Variants in CRYZL1 observed in about 807,000 individuals in gnomAD.
CRYZL1 encodes the protein ferry endosomal RAB5 effector complex subunit 4.
CRYZL1 carries 34 observed loss-of-function variants against 50.6 expected under a neutral mutation model. The observed-to-expected ratio is 0.67, with a 90% CI of 0.51 to 0.89. CRYZL1 has a LOEUF of 0.89. Among genes scored for constraint, CRYZL1 ranks in the 40% least tolerant of loss-of-function variants. The pLI is 0.00. For missense variants in CRYZL1, 354 were observed against 402.3 expected, an observed-to-expected ratio of 0.88 and a Z score of 1.03; for synonymous variants, 125 against 134.3, an observed-to-expected ratio of 0.93 and a Z score of 0.48.
At chr21:33,611,962 T>C (rs1008553440) in intron 6 of CRYZL1, among the ~76,000 whole-genome samples, 1 of 152,242 alleles carries the variant, frequency 6.6e-6, no homozygotes, top group Non-Finnish European at 1.5e-5. Context: ...TCCACTTTGA[T>C]ATGTTTAGCT....
chr21:33,619,905 C>T (rs930244322), intron 4 of CRYZL1, among the ~76,000 whole-genome samples: 17 of 152,212 alleles, frequency 1.1e-4, no homozygotes, highest in Admixed American at 7.2e-4. Context: ...TACTCCAAGA[C>T]GCCTTTCCTG....
intron 9 of CRYZL1, among the ~76,000 whole-genome samples, chr21:33,598,871 G>A: frequency 6.7e-6 from 1 of 148,862 alleles, no homozygotes; most frequent in East Asian, 2.0e-4. Flanking sequence ...TGTGGCCTAA[G>A]ACAATTCTTC....
Position 33,589,781 on chromosome 21 carries a change from T to C in CRYZL1, c.*41A>G. 2 of 1,262,236 alleles carry C rather than the reference T, an allele frequency of 1.6e-6. No homozygotes were observed. Among genetic ancestry groups the C allele is most frequent in the Non-Finnish European group, 2.3e-6 (2 of 874,990 alleles). The allele number at this position is 1,262,236 out of a possible 1,614,324, so 78.2% of individuals were successfully genotyped here. The stretch of plus-strand genomic sequence containing the variant: ...CAAAGAAAATTCTGGCTTCAAATAC[T>C]GGAATATGTTCATCCGACTGAGGTC... On this transcript the variant is annotated 3_prime_UTR_variant, in exon 13 of 13. Coordinates refer to ENST00000381554, the MANE Select transcript of CRYZL1 (RefSeq NM_145858.3).
intron 3 of CRYZL1, among the ~76,000 whole-genome samples, chr21:33,622,311 C>T (rs943156022): frequency 6.6e-6 from 1 of 152,118 alleles, no homozygotes; most frequent in African/African-American, 2.4e-5. Context: ...TTCAAATTAC[C>T]ATTAACATCC....
rs549802084 is a variant in CRYZL1, at chr21:33,609,137, A to C, written c.331+4401T>G. Among the ~76,000 whole-genome samples, 4 of 152,212 alleles carry C rather than the reference A, an allele frequency of 2.6e-5. No individual in the cohort carries two copies. In the East Asian group the frequency reaches 7.7e-4, roughly 29 times the overall value. On this transcript the variant is annotated intron_variant, in intron 6 of 12. Transcript: ENST00000381554. ...ATTTTTTCACATGTCTTCTTTTGAG[A>C]AATGTCTATTCAGGTCCTTTGACCC... is the stretch of plus-strand genomic sequence containing the variant.
rs1028751478 is a variant in CRYZL1 at position 33,589,676 on chromosome 21, A to G, written c.*146T>C. ...TTTCAAACACTTTTCAAATGTGTCA[A>G]CTGAGCATCTTGTCTTAGCAGAGAA... is the stretch of plus-strand genomic sequence containing the variant. On this transcript the variant is annotated 3_prime_UTR_variant, in exon 13 of 13. Coordinates refer to ENST00000381554, the MANE Select transcript of CRYZL1 (RefSeq NM_145858.3). 2.5e-5 allele frequency: 15 copies of G among 605,586 alleles called. No individual in the cohort carries two copies. Among genetic ancestry groups the G allele is most frequent in the African/African-American group, 1.9e-4 (10 of 53,442 alleles). 37.5% of individuals were successfully genotyped at this position (605,586 alleles called of 1,614,324 possible). A position where few individuals can be genotyped will look rare whatever the true frequency, so the allele number is the denominator to read the frequency against.
At chr21:33,621,971 C>T (rs2087007987) in intron 4 of CRYZL1, 25 bp downstream of exon 4, 9 of 1,499,034 alleles carry the variant, frequency 6.0e-6, no homozygotes, top group Non-Finnish European at 6.5e-6. Flanking sequence ...AAAATAAATA[C>T]ATATACTCAC....
chr21:33,635,502 C>A (rs939746260), intron 1 of CRYZL1, among the ~76,000 whole-genome samples: 1 of 151,416 alleles, frequency 6.6e-6, no homozygotes, highest in Non-Finnish European at 1.5e-5. Flanking sequence ...AGGCGCCCAC[C>A]ACCACACCTG....
chr21:33,626,326 T>C lies in CRYZL1; in HGVS notation c.67-1566A>G, dbSNP rs1305410401. 2.6e-5 allele frequency among the ~76,000 whole-genome samples: 4 copies of C among 152,316 alleles called. 1 individual carries two copies. The highest frequency in any genetic ancestry group is 3.4e-3 in the Middle Eastern group (1 of 294). ...AACATGTGCCTTGGGCATTTCATCATGCCCCATGGGATTCTGGGCTCAACA... is the reference window on the plus strand; with the variant it reads ...AACATGTGCCTTGGGCATTTCATCACGCCCCATGGGATTCTGGGCTCAACA... On this transcript the variant is annotated intron_variant, in intron 2 of 12. Transcript: ENST00000381554.
At chr21:33,600,094 A>T (rs1007773560) in intron 8 of CRYZL1, among the ~76,000 whole-genome samples, 1 of 152,174 alleles carries the variant, frequency 6.6e-6, no homozygotes, top group Non-Finnish European at 1.5e-5. Flanking sequence ...CGATCGTAAC[A>T]TTTAAAAAAT....
At chr21:33,634,942 T>C (rs182938869) in intron 1 of CRYZL1, among the ~76,000 whole-genome samples, 2,131 of 151,660 alleles carry the variant, frequency 0.014, 21 homozygotes, top group Non-Finnish European at 0.022. Flanking sequence ...TCATCCTAAA[T>C]AGTTTCTCTA....
At chr21:33,616,902 T>A in intron 4 of CRYZL1, 152 bp from the exon 5 acceptor site, 2 of 624,712 alleles carry the variant, frequency 3.2e-6, no homozygotes, top group Non-Finnish European at 5.2e-6. Flanking sequence ...AACATTTTGA[T>A]GGTCTGTAAA....
chr21:33,628,581 G>C (rs1301698434), intron 2 of CRYZL1, among the ~76,000 whole-genome samples: 1 of 149,420 alleles, frequency 6.7e-6, no homozygotes, highest in African/African-American at 2.5e-5. Flanking sequence ...ATTATAAATG[G>C]GGTTGCCTTC....
At chr21:33,603,620 T>C in intron 6 of CRYZL1, 83 bp from the exon 7 acceptor site, 1 of 1,507,950 alleles carries the variant, frequency 6.6e-7, no homozygotes, top group Non-Finnish European at 9.1e-7. Flanking sequence ...CCATCTCTAG[T>C]ACTACTATGG....
At chr21:33,604,094 G>A (rs1223081253) in intron 6 of CRYZL1, among the ~76,000 whole-genome samples, 11 of 152,138 alleles carry the variant, frequency 7.2e-5, no homozygotes, top group Non-Finnish European at 2.9e-5. Flanking sequence ...CTGGCCGGGC[G>A]TGGTGGCTCA....
chr21:33,604,355 CAAAAAAAAA>C (rs71194858), intron 6 of CRYZL1, among the ~76,000 whole-genome samples: 2 of 69,622 alleles, frequency 2.9e-5, no homozygotes, highest in Non-Finnish European at 2.5e-5. Context: ...GACTCCGTCT[CAAAAAAAAA>C]AAAAAAAAAA....
chr21:33,606,273 T>G (rs1024780858), intron 6 of CRYZL1, among the ~76,000 whole-genome samples: 1 of 152,174 alleles, frequency 6.6e-6, no homozygotes, highest in African/African-American at 2.4e-5. Flanking sequence ...ACATCTTCTA[T>G]CAAAAGGATT....
At chr21:33,641,625 A>T (rs2087346717) in intron 1 of CRYZL1, 56 bp downstream of exon 1, 1 of 183,490 alleles carries the variant, frequency 5.4e-6, no homozygotes. Context: ...GCATCTCTCC[A>T]CCTTTCGCTT....
At chr21:33,641,093 T>G in intron 1 of CRYZL1, 1 of 1,536,334 alleles carries the variant, frequency 6.5e-7, no homozygotes, top group Non-Finnish European at 8.7e-7. Flanking sequence ...ACCTTTCTAC[T>G]CATAACGTGG....
Sources: gnomAD v4.1 joint callset for allele counts (sites outside exome capture counted in the v4.1 genomes callset) on GRCh38, gnomAD v4.1.1 for gene constraint, MANE v1.5 for transcripts, NCBI Gene and HGNC (gene_info 2026-07-23, HGNC 2026-07-21) for gene names.